Variants in CAMK2B observed in about 807,000 individuals in gnomAD.
CAMK2B encodes calcium/calmodulin dependent protein kinase II beta, also known as calcium/calmodulin-dependent protein kinase type II subunit beta.
CAMK2B carries 27 observed loss-of-function variants against 93.7 expected under a neutral mutation model. The ratio of observed to expected loss-of-function variants is 0.29; its 90% CI spans 0.21 to 0.40. CAMK2B has a LOEUF of 0.40. CAMK2B is among the 10% of genes least tolerant of loss of function. CAMK2B has a pLI of 1.00. For missense variants in CAMK2B, 568 were observed against 895.8 expected (o/e 0.63, Z 4.67); for synonymous variants, 374 against 358.8 (o/e 1.04, Z -0.48).
chr7:44,277,184 G>T (rs1327131030), intron 2 of CAMK2B, among the ~76,000 whole-genome samples: 2 of 152,130 alleles, frequency 1.3e-5, no homozygotes, highest in African/African-American at 2.4e-5. Context: ...GGGGGTTGGG[G>T]TAGGGGGTAG....
intron 1 of CAMK2B, among the ~76,000 whole-genome samples, chr7:44,304,269 T>C (rs1790851545): frequency 6.6e-6 from 1 of 152,228 alleles, no homozygotes; most frequent in South Asian, 2.1e-4. Flanking sequence ...ATTGAAAACT[T>C]ATGTCCACAA....
At chr7:44,297,379 A>C (rs538222452) in intron 1 of CAMK2B, among the ~76,000 whole-genome samples, 48 of 152,346 alleles carry the variant, frequency 3.2e-4, no homozygotes, top group African/African-American at 1.1e-3. Context: ...AATTATATAA[A>C]ATGCTCAATT....
chr7:44,242,362 C>G, intron 9 of CAMK2B, 22 bp from the exon 10 acceptor site: 1 of 1,607,094 alleles, frequency 6.2e-7, no homozygotes, highest in South Asian at 1.1e-5. Context: ...AACAGCGCCC[C>G]GGCCGGGCCT....
At chr7:44,308,660 T>C (rs1243473063) in intron 1 of CAMK2B, among the ~76,000 whole-genome samples, 1 of 152,064 alleles carries the variant, frequency 6.6e-6, no homozygotes, top group Non-Finnish European at 1.5e-5. Context: ...AGGAGTGACA[T>C]TACAGAGAGA....
At chr7:44,291,919 G>A (rs1045726790) in intron 1 of CAMK2B, among the ~76,000 whole-genome samples, 5 of 152,184 alleles carry the variant, frequency 3.3e-5, no homozygotes, top group African/African-American at 7.2e-5. Context: ...TTTGGCCCAA[G>A]GGCTCCCTAA....
chr7:44,226,735 A>T, intron 19 of CAMK2B, 91 bp from the exon 20 acceptor site: 1 of 699,504 alleles, frequency 1.4e-6, no homozygotes, highest in Non-Finnish European at 1.9e-6. Context: ...CCAGAGATTG[A>T]GGGGCACAGA....
At chr7:44,221,528 A>G (rs1456514349) in intron 20 of CAMK2B, among the ~76,000 whole-genome samples, 1 of 149,752 alleles carries the variant, frequency 6.7e-6, no homozygotes, top group African/African-American at 2.6e-5. Flanking sequence ...CCCCGGAGCG[A>G]TGACCAGGGC....
chr7:44,269,232 G>T (rs1034489538), intron 2 of CAMK2B, among the ~76,000 whole-genome samples: 1 of 152,200 alleles, frequency 6.6e-6, no homozygotes, highest in East Asian at 1.9e-4. Flanking sequence ...CCTGGTGGGG[G>T]CAGGGTAGCC....
At chr7:44,308,831 C>T (rs568868975) in intron 1 of CAMK2B, among the ~76,000 whole-genome samples, 17 of 152,226 alleles carry the variant, frequency 1.1e-4, no homozygotes, top group Non-Finnish European at 1.6e-4. Context: ...AGCCCCTCGT[C>T]TCTCCTCACA....
rs1180200547 is a variant in CAMK2B, at chr7:44,286,906, A to C, written c.66-2681T>G. 6.6e-6 allele frequency among the ~76,000 whole-genome samples: 1 copy of C among 152,038 alleles called. No individual in the cohort carries two copies. The highest frequency in any genetic ancestry group is 1.5e-5 in the Non-Finnish European group (1 of 67,984). On this transcript the variant is annotated intron_variant, in intron 1 of 23. Transcript: ENST00000395749. The surrounding 1 kb of genome is among the most constrained non-coding windows in gnomAD (Gnocchi z 4.0). The stretch of plus-strand genomic sequence containing the variant: ...GGCCGCACAGCTGTAGTGACATAGG[A>C]TGTGGCAGGCACAGTGCCAGGCACC...
At chr7:44,226,012 GC>G in intron 20 of CAMK2B, 2 of 906,288 alleles carry the variant, frequency 2.2e-6, no homozygotes, top group Non-Finnish European at 3.0e-6. Context: ...TTTCAGCCTG[GC>G]CCCAGCTGCC....
intron 19 of CAMK2B, among the ~76,000 whole-genome samples, chr7:44,227,530 A>G (rs187161715): frequency 0.021 from 11 of 520 alleles, 1 homozygote; most frequent in Non-Finnish European, 0.032. Flanking sequence ...AGAGGGGGAT[A>G]TGGGGGACAG....
At chr7:44,321,507 G>A (rs1244047087) in intron 1 of CAMK2B, among the ~76,000 whole-genome samples, 1 of 152,212 alleles carries the variant, frequency 6.6e-6, no homozygotes, top group Non-Finnish European at 1.5e-5. Flanking sequence ...AATCTTTCCT[G>A]AACTTCGGTT....
At chr7:44,272,763 C>T (rs1028932473) in intron 2 of CAMK2B, among the ~76,000 whole-genome samples, 68 of 152,234 alleles carry the variant, frequency 4.5e-4, no homozygotes, top group Middle Eastern at 6.3e-3. Flanking sequence ...TTCCAGGCTA[C>T]ACACTGGGGG....
chr7:44,324,479 C>A (rs1232541615), intron 1 of CAMK2B, among the ~76,000 whole-genome samples: 3 of 152,190 alleles, frequency 2.0e-5, no homozygotes, highest in African/African-American at 7.2e-5. Context: ...GGGGCAAAGC[C>A]GGGTCCGGGG....
chr7:44,255,319 G>A (rs961254145), intron 4 of CAMK2B, among the ~76,000 whole-genome samples: 1 of 152,208 alleles, frequency 6.6e-6, no homozygotes, highest in Non-Finnish European at 1.5e-5. Context: ...GCCACAATCT[G>A]AAGGGCCTCT....
At chr7:44,241,894 C>A in intron 10 of CAMK2B, 111 bp from the exon 11 acceptor site, 1 of 833,926 alleles carries the variant, frequency 1.2e-6, no homozygotes, top group Non-Finnish European at 2.0e-6. Context: ...AGCCACCGGC[C>A]ACCATTGCGG....
intron 2 of CAMK2B, among the ~76,000 whole-genome samples, chr7:44,281,512 TCCTGTGGTCCCGGTATGGCAG>T (rs556700702): frequency 1.6e-4 from 24 of 152,186 alleles, no homozygotes; most frequent in East Asian, 1.5e-3. Context: ...GCAGCTCGGA[TCCTGTGGTCCCGGTATGGCAG>T]CCCACTCAGG....
At position 44,220,045 on chromosome 7, in the gene CAMK2B, G is replaced by A. The variant is rs1175291405; in HGVS notation, c.*2+15C>T. On this transcript the variant is annotated intron_variant, in intron 23 of 23. Transcript: ENST00000395749. ...ACCCCTCTGCCCCAGCTGTCACTTA[G>A]CACAGAACACTCACCTTCACTGCAG... is the stretch of plus-strand genomic sequence containing the variant. 6.5e-7 allele frequency: 1 copy of A among 1,548,958 alleles called. No individual in the cohort carries two copies. Among genetic ancestry groups the A allele is most frequent in the Non-Finnish European group, 8.7e-7 (1 of 1,150,596 alleles).
Sources: gnomAD v4.1 joint callset for allele counts (sites outside exome capture counted in the v4.1 genomes callset) on GRCh38, gnomAD v4.1.1 for gene constraint, Gnocchi (gnomAD v3.1) non-coding constraint, MANE v1.5 for transcripts, NCBI Gene and HGNC (gene_info 2026-07-23, HGNC 2026-07-21) for gene names.